The following RANBP9 variants were observed in gnomAD, a reference collection of about 807,000 sequenced individuals.
RANBP9 encodes RAN binding protein 9.
Under a neutral mutation model 84.3 loss-of-function variants are expected in RANBP9, and 15 were observed. The observed-to-expected ratio is 0.18, with a 90% CI of 0.12 to 0.27. RANBP9 has a LOEUF of 0.27. Ranked by LOEUF, RANBP9 falls within the 10% of genes least tolerant of loss-of-function variation. RANBP9 has a pLI of 1.00. For synonymous variants in RANBP9, 392 were observed against 349.6 expected, an observed-to-expected ratio of 1.12 and a Z score of -1.35; for missense variants, 809 against 912.8, an observed-to-expected ratio of 0.89 and a Z score of 1.46.
intron 1 of RANBP9, among the ~76,000 whole-genome samples, chr6:13,697,316 T>C (rs1757862648): frequency 6.6e-6 from 1 of 152,228 alleles, no homozygotes; most frequent in African/African-American, 2.4e-5. Context: ...CCTGGCTCTT[T>C]AAACCAGAAG....
chr6:13,667,751 A>T (rs1002322708), intron 2 of RANBP9, among the ~76,000 whole-genome samples: 2 of 152,196 alleles, frequency 1.3e-5, no homozygotes, highest in Non-Finnish European at 1.5e-5. Flanking sequence ...GTGTTTAATA[A>T]GCCATGTGGT....
chr6:13,645,484 T>C (rs1193885407), intron 5 of RANBP9, among the ~76,000 whole-genome samples: 1 of 152,210 alleles, frequency 6.6e-6, no homozygotes, highest in Non-Finnish European at 1.5e-5. Flanking sequence ...CTTTTGGCTA[T>C]GTCACTAATT....
At chr6:13,660,286 A>G (rs188005955) in intron 2 of RANBP9, among the ~76,000 whole-genome samples, 228 of 152,292 alleles carry the variant, frequency 1.5e-3, no homozygotes, top group Non-Finnish European at 2.0e-3. Flanking sequence ...AAGCAGGAGG[A>G]TCTTTTGAGC....
In RANBP9 at chr6:13,705,868, C is replaced by CAAA. The variant is rs767070995; in HGVS notation, c.571+5064_571+5066dup. 4.0e-3 allele frequency among the ~76,000 whole-genome samples: 306 copies of CAAA among 76,740 alleles called. 6 individuals are homozygous for CAAA. The highest frequency in any genetic ancestry group is 0.014 in the African/African-American group (256 of 18,882). The allele number at this position is 76,740 out of a possible 152,430, so 50.3% of individuals were successfully genotyped here. On this transcript the variant is annotated intron_variant, in intron 1 of 13. Coordinates refer to ENST00000011619, the MANE Select transcript of RANBP9 (RefSeq NM_005493.3). Reference sequence around the variant, plus strand: ...TGGGCGACAGAGCAAGACTCCGTCTCAAAAAAAAAAAAAAAAAAGAAACAT... The same window carrying CAAA: ...TGGGCGACAGAGCAAGACTCCGTCTCAAAAAAAAAAAAAAAAAAAAAGAAACAT...
intron 2 of RANBP9, among the ~76,000 whole-genome samples, chr6:13,682,593 C>T (rs1260628321): frequency 6.6e-6 from 1 of 152,054 alleles, no homozygotes; most frequent in African/African-American, 2.4e-5. Context: ...ACTGGGATTA[C>T]AGGCGCCCAC....
chr6:13,673,202 A>G (rs1225501251), intron 2 of RANBP9, among the ~76,000 whole-genome samples: 1 of 152,212 alleles, frequency 6.6e-6, no homozygotes, highest in Admixed American at 6.5e-5. Context: ...ATTATATCAG[A>G]TTTCTCTTCA....
At chr6:13,632,227 A>T (rs1268286932) in intron 12 of RANBP9, 143 bp downstream of exon 12, 1 of 446,240 alleles carries the variant, frequency 2.2e-6, no homozygotes, top group African/African-American at 2.3e-5. Flanking sequence ...AAATATTTCC[A>T]CTCTCAGATG....
chr6:13,622,740 G>C (rs1262891267), intron 13 of RANBP9, among the ~76,000 whole-genome samples: 1 of 152,110 alleles, frequency 6.6e-6, no homozygotes, highest in Non-Finnish European at 1.5e-5. Flanking sequence ...TAAAGTATCA[G>C]ATACTAAAAT....
intron 9 of RANBP9, among the ~76,000 whole-genome samples, chr6:13,638,467 T>A (rs769116205): frequency 4.6e-5 from 7 of 152,050 alleles, no homozygotes; most frequent in Non-Finnish European, 1.0e-4. Context: ...GAATGTTAAA[T>A]GTACAAAGAT....
intron 1 of RANBP9, among the ~76,000 whole-genome samples, chr6:13,705,710 G>C (rs1167182151): frequency 6.8e-6 from 1 of 147,538 alleles, no homozygotes; most frequent in Admixed American, 6.7e-5. Flanking sequence ...AAATACAAAA[G>C]AAATTAGCCA....
chr6:13,626,457 C>CT (rs1411755412), intron 12 of RANBP9, among the ~76,000 whole-genome samples: 10 of 152,314 alleles, frequency 6.6e-5, no homozygotes, highest in East Asian at 1.9e-4. Context: ...AATTGACAAT[C>CT]TAAGTGCCAG....
In RANBP9 at chr6:13,636,861, ATTT is replaced by A. The variant is rs540231662; in HGVS notation, c.1673+944_1673+946del. 2.7e-3 allele frequency among the ~76,000 whole-genome samples: 410 copies of A among 151,666 alleles called. 2 individuals carry two copies. The highest frequency in any genetic ancestry group is 9.6e-3 in the African/African-American group (399 of 41,356). On this transcript the variant is annotated intron_variant, in intron 10 of 13. Transcript: ENST00000011619. ...TTAATCTCCCAATTTTCAAATACAG[ATTT>A]TTTTTTACATACAATCCTTTCTGCA...
At chr6:13,697,413 C>T (rs1757865507) in intron 1 of RANBP9, among the ~76,000 whole-genome samples, 1 of 152,136 alleles carries the variant, frequency 6.6e-6, no homozygotes, top group Non-Finnish European at 1.5e-5. Context: ...CAGTTTTGTT[C>T]TTTGGTATAG....
chr6:13,705,004 C>G (rs1758066500), intron 1 of RANBP9, among the ~76,000 whole-genome samples: 1 of 152,188 alleles, frequency 6.6e-6, no homozygotes, highest in African/African-American at 2.4e-5. Context: ...TTCTCCACCT[C>G]TGAGTGTCCA....
Position 13,657,127 on chromosome 6 carries a change from T to G in RANBP9, c.886A>C (p.Lys296Gln). 1.2e-6 allele frequency: 2 copies of G among 1,610,998 alleles called. No individual in the cohort carries two copies. The highest frequency in any genetic ancestry group is 1.7e-6 in the Non-Finnish European group (2 of 1,178,376). ...TCAGTACCTAAACTATGTCCATTCT[T>G]GGTGTAAAAGCAGGTATTGTTGATA... ...NLINNTCFYTKNGHSLGIAFT... is the reference protein window; with the variant it reads ...NLINNTCFYTQNGHSLGIAFT... Residue 296 changes from lysine to glutamine, a missense_variant, in exon 4 of 14, where the codon AAG (lysine) becomes CAG (glutamine). By Grantham distance (53) the Lys-to-Gln change is moderately conservative. This residue lies in a region of RANBP9 where 216 missense variants were observed against 329.0 expected (regional missense o/e 0.66). Coordinates refer to ENST00000011619, the MANE Select transcript of RANBP9 (RefSeq NM_005493.3).
In RANBP9 at chr6:13,711,601, G is replaced by A. The variant is rs1373524903; in HGVS notation, c.-96C>T. The A allele has an allele frequency of 5.4e-6, 6 of 1,108,968 alleles. No homozygotes were observed. Among genetic ancestry groups the A allele is most frequent in the Non-Finnish European group, 6.7e-6 (6 of 891,974 alleles). 68.7% of individuals were successfully genotyped at this position (1,108,968 alleles called of 1,614,324 possible). A position where few individuals can be genotyped will look rare whatever the true frequency, so the allele number is the denominator to read the frequency against. On this transcript the variant is annotated 5_prime_UTR_variant, in exon 1 of 14. Coordinates refer to ENST00000011619, the MANE Select transcript of RANBP9 (RefSeq NM_005493.3). ...GTCGCTGCGGCCGCCGGCACCAGGCGCCCAGTCCGCCCGCCCCGGAAGCAG... is the reference window on the plus strand; with the variant it reads ...GTCGCTGCGGCCGCCGGCACCAGGCACCCAGTCCGCCCGCCCCGGAAGCAG...
chr6:13,641,639 CAT>C (rs991347682), intron 7 of RANBP9, among the ~76,000 whole-genome samples: 6 of 152,180 alleles, frequency 3.9e-5, no homozygotes, highest in East Asian at 1.9e-4. Context: ...CCTTATCAAA[CAT>C]AATCTTCTGA....
chr6:13,707,233 G>A (rs1300944082), intron 1 of RANBP9, among the ~76,000 whole-genome samples: 1 of 151,962 alleles, frequency 6.6e-6, no homozygotes, highest in Admixed American at 6.6e-5. Context: ...TGCCCAGGCT[G>A]GTCTAGAACT....
rs74706460 is a variant in RANBP9, at chr6:13,659,795, G to A, written c.684-963C>T. ...CTTTTCCCCCAAATACAGCAAGCAA[G>A]ATATTCAACAGTAAAACACACTGAA... On this transcript the variant is annotated intron_variant, in intron 2 of 13. Coordinates refer to ENST00000011619, the MANE Select transcript of RANBP9 (RefSeq NM_005493.3). Among the ~76,000 whole-genome samples the A allele has an allele frequency of 3.1e-3, 476 of 152,216 alleles. 11 individuals carry two copies. The East Asian group carries it at 0.074, about 24-fold the overall frequency.
Sources: gnomAD v4.1 joint callset for allele counts (sites outside exome capture counted in the v4.1 genomes callset) on GRCh38, gnomAD v4.1.1 for gene constraint, gnomAD v4.1.1 regional missense constraint, MANE v1.5 for transcripts, NCBI Gene and HGNC (gene_info 2026-07-23, HGNC 2026-07-21) for gene names.